The following SPAG16 variants were observed in gnomAD, a reference collection of about 807,000 sequenced individuals.
The protein encoded by SPAG16 is sperm-associated antigen 16 protein.
In SPAG16, 86 loss-of-function variants were observed where a neutral mutation model predicts 80.4. The ratio of observed to expected loss-of-function variants is 1.07; its 90% CI spans 0.90 to 1.28. SPAG16 has a LOEUF of 1.28. SPAG16 is among the 50% of genes most tolerant of loss of function. The probability of loss-of-function intolerance (pLI) is 0.00; values close to 1 mark genes in which losing one functional copy is unlikely to be tolerated. For missense variants in SPAG16, 870 were observed against 765.3 expected (o/e 1.14, Z -1.61); for synonymous variants, 294 against 265.9 (o/e 1.11, Z -1.03).
chr2:213,614,862 C>T (rs906622897), intron 10 of SPAG16, among the ~76,000 whole-genome samples: 1 of 152,152 alleles, frequency 6.6e-6, no homozygotes, highest in Non-Finnish European at 1.5e-5. Flanking sequence ...AACATCAATA[C>T]AGGACTTCCT....
intron 10 of SPAG16, among the ~76,000 whole-genome samples, chr2:213,611,815 T>C (rs1454284886): frequency 6.6e-6 from 1 of 152,176 alleles, no homozygotes; most frequent in Non-Finnish European, 1.5e-5. Flanking sequence ...TCTTGTTTCA[T>C]ATTGTTTTAC....
intron 7 of SPAG16, among the ~76,000 whole-genome samples, chr2:213,353,117 A>C (rs1365673945): frequency 6.6e-6 from 1 of 152,186 alleles, no homozygotes; most frequent in Non-Finnish European, 1.5e-5. Flanking sequence ...TTGTTTGATT[A>C]GGTTGGTGTC....
intron 10 of SPAG16, among the ~76,000 whole-genome samples, chr2:213,666,638 A>G (rs1212694417): frequency 1.3e-5 from 2 of 152,192 alleles, no homozygotes; most frequent in Non-Finnish European, 2.9e-5. Context: ...AAACCTGCTC[A>G]GTTCAGAGGA....
At chr2:214,012,288 A>ATATATATTTTTTTTTTT (rs1553694500) in intron 12 of SPAG16, among the ~76,000 whole-genome samples, 1 of 46,806 alleles carries the variant, frequency 2.1e-5, no homozygotes, top group Non-Finnish European at 3.3e-5. Flanking sequence ...ATATATATAT[A>ATATATATTTTTTTTTTT]TTTTTTTTTT....
intron 12 of SPAG16, among the ~76,000 whole-genome samples, chr2:213,977,867 A>C (rs1245705348): frequency 1.3e-5 from 2 of 151,988 alleles, no homozygotes; most frequent in Non-Finnish European, 2.9e-5. Flanking sequence ...GTTAAGGATC[A>C]CTCCATTGAC....
chr2:214,159,338 A>G (rs1490080472), intron 15 of SPAG16, among the ~76,000 whole-genome samples: 2 of 152,006 alleles, frequency 1.3e-5, no homozygotes, highest in Non-Finnish European at 2.9e-5. Context: ...GAAAATCAAG[A>G]GTTAAAATTT....
At chr2:214,237,876 A>G (rs1689184878) in intron 15 of SPAG16, among the ~76,000 whole-genome samples, 1 of 152,108 alleles carries the variant, frequency 6.6e-6, no homozygotes, top group African/African-American at 2.4e-5. Flanking sequence ...ATAGATGCAG[A>G]TTAAAACTAA....
chr2:213,678,366 C>A (rs1233278034), intron 10 of SPAG16, among the ~76,000 whole-genome samples: 5 of 151,998 alleles, frequency 3.3e-5, no homozygotes, highest in African/African-American at 9.7e-5. Context: ...ATAGATAGAC[C>A]ACTAGCAAGA....
In SPAG16 at chr2:213,548,789, T is replaced by C. The variant is rs377547009; in HGVS notation, c.1070+58699T>C. Among the ~76,000 whole-genome samples, 9 of 152,258 alleles carry C rather than the reference T, an allele frequency of 5.9e-5. No individual in the cohort carries two copies. The East Asian group carries it at 1.2e-3, about 20-fold the overall frequency. ...TTAAATATTTTCCCATTTGTCATTATCTTTCGAGTTTGCTTATAGTCTATA... is the reference window on the plus strand; with the variant it reads ...TTAAATATTTTCCCATTTGTCATTACCTTTCGAGTTTGCTTATAGTCTATA... On this transcript the variant is annotated intron_variant, in intron 10 of 15. Coordinates refer to ENST00000331683, the MANE Select transcript of SPAG16 (RefSeq NM_024532.5).
intron 14 of SPAG16, among the ~76,000 whole-genome samples, chr2:214,126,035 CTTCCTTCCTTCCTTCCTTCCTTCCTTT>C (rs2054471186): frequency 9.1e-5 from 1 of 11,034 alleles, no homozygotes; most frequent in Admixed American, 1.6e-3. Context: ...TCCTTCCTTC[CTTCCTTCCTTCCTTCCTTCCTTCCTTT>C]TTTTTTTTTT....
At chr2:213,340,030 G>A (rs866723724) in intron 5 of SPAG16, 133 bp from the exon 6 acceptor site, 31 of 626,102 alleles carry the variant, frequency 5.0e-5, no homozygotes, top group Middle Eastern at 4.4e-4. Flanking sequence ...GAGAATCTTC[G>A]ATGAGAATTA....
At chr2:214,386,696 T>G (rs1333878957) in intron 15 of SPAG16, among the ~76,000 whole-genome samples, 1 of 151,916 alleles carries the variant, frequency 6.6e-6, no homozygotes, top group East Asian at 1.9e-4. Context: ...ACCCCATCCC[T>G]ACAAAAAATA....
intron 10 of SPAG16, among the ~76,000 whole-genome samples, chr2:213,744,167 A>G (rs985851400): frequency 6.6e-6 from 1 of 152,144 alleles, no homozygotes; most frequent in Non-Finnish European, 1.5e-5. Context: ...CTCAGTTGAT[A>G]TGTATTAATA....
At chr2:214,291,441 G>A (rs1693793660) in intron 15 of SPAG16, among the ~76,000 whole-genome samples, 1 of 148,998 alleles carries the variant, frequency 6.7e-6, no homozygotes, top group Non-Finnish European at 1.5e-5. Flanking sequence ...AAGTAGCTGG[G>A]ACTACAGGCG....
chr2:213,645,705 A>G (rs2062796353), intron 10 of SPAG16, among the ~76,000 whole-genome samples: 1 of 152,066 alleles, frequency 6.6e-6, no homozygotes. Context: ...AAGCTCTGCA[A>G]CTTGGGGATT....
At position 214,252,973 on chromosome 2, in the gene SPAG16, T is replaced by C. The variant is rs183579182; in HGVS notation, c.1720+103707T>C. Among the ~76,000 whole-genome samples the C allele has an allele frequency of 2.6e-5, 4 of 152,292 alleles. No individual in the cohort carries two copies. The East Asian group carries it at 7.7e-4, about 29-fold the overall frequency. On this transcript the variant is annotated intron_variant, in intron 15 of 15. Transcript: ENST00000331683. ...TCCAGCATCTGTTGTTTCCTGACTTTTTAATGATTGCCGTTCTAAGTGGCA... is the reference window on the plus strand; with the variant it reads ...TCCAGCATCTGTTGTTTCCTGACTTCTTAATGATTGCCGTTCTAAGTGGCA...
intron 15 of SPAG16, among the ~76,000 whole-genome samples, chr2:214,349,076 T>C (rs1698241379): frequency 6.6e-6 from 1 of 152,218 alleles, no homozygotes; most frequent in Non-Finnish European, 1.5e-5. Context: ...TCCCACTTTA[T>C]TATTATTCAA....
chr2:214,358,959 TC>T (rs1296988629), intron 15 of SPAG16, among the ~76,000 whole-genome samples: 2 of 151,998 alleles, frequency 1.3e-5, no homozygotes, highest in African/African-American at 4.8e-5. Context: ...TACCTTTTTT[TC>T]CTTCTAAAAA....
intron 7 of SPAG16, among the ~76,000 whole-genome samples, chr2:213,358,980 T>A (rs10178111): frequency 6.6e-6 from 1 of 152,140 alleles, no homozygotes; most frequent in Non-Finnish European, 1.5e-5. Context: ...ATGCTATTTC[T>A]GTTTGTTAGT....
Sources: gnomAD v4.1 joint callset for allele counts (sites outside exome capture counted in the v4.1 genomes callset) on GRCh38, gnomAD v4.1.1 for gene constraint, MANE v1.5 for transcripts, NCBI Gene and HGNC (gene_info 2026-07-23, HGNC 2026-07-21) for gene names.